GSK3B: variants seen among roughly 807,000 people sequenced by gnomAD.
The protein encoded by GSK3B is glycogen synthase kinase-3 beta.
GSK3B carries 15 observed loss-of-function variants against 56.4 expected under a neutral mutation model. The ratio of observed to expected loss-of-function variants is 0.27; its 90% CI spans 0.18 to 0.41. The LOEUF (loss-of-function observed/expected upper bound fraction) is 0.41. Among genes scored for constraint, GSK3B ranks in the 10% least tolerant of loss-of-function variants. The pLI is 1.00. For missense variants in GSK3B, 300 were observed against 513.4 expected (o/e 0.58, Z 4.02); for synonymous variants, 181 against 188.9 (o/e 0.96, Z 0.34).
intron 1 of GSK3B, among the ~76,000 whole-genome samples, chr3:120,037,668 T>C (rs1297762027): frequency 6.6e-6 from 1 of 151,954 alleles, no homozygotes; most frequent in Non-Finnish European, 1.5e-5. Context: ...TTTTTTACCA[T>C]CTTACACATC....
At chr3:120,045,157 T>C (rs893791718) in intron 1 of GSK3B, among the ~76,000 whole-genome samples, 2 of 152,298 alleles carry the variant, frequency 1.3e-5, no homozygotes, top group East Asian at 3.9e-4. Flanking sequence ...CTTTTCCTTT[T>C]AAAGGATCAA....
chr3:120,066,896 G>C, intron 1 of GSK3B, among the ~76,000 whole-genome samples: 1 of 152,168 alleles, frequency 6.6e-6, no homozygotes. Flanking sequence ...GTAGTTTGCA[G>C]AAACCTTGAT....
chr3:120,077,562 A>T (rs556904482), intron 1 of GSK3B, among the ~76,000 whole-genome samples: 2 of 152,228 alleles, frequency 1.3e-5, no homozygotes, highest in South Asian at 4.2e-4. Context: ...CAAAAGATCT[A>T]ATGTACAACA....
chr3:120,001,675 T>C (rs968006422), intron 2 of GSK3B, among the ~76,000 whole-genome samples: 2 of 152,312 alleles, frequency 1.3e-5, no homozygotes, highest in Admixed American at 6.5e-5. Context: ...AAAGGAAGCA[T>C]AGTCAAATAC....
intron 2 of GSK3B, among the ~76,000 whole-genome samples, chr3:119,975,464 C>T (rs994081510): frequency 1.3e-5 from 2 of 151,984 alleles, no homozygotes; most frequent in African/African-American, 4.8e-5. Flanking sequence ...AAGATATGAG[C>T]TATCATATCA....
intron 6 of GSK3B, among the ~76,000 whole-genome samples, chr3:119,908,085 T>C (rs1215073910): frequency 6.6e-6 from 1 of 152,182 alleles, no homozygotes; most frequent in Non-Finnish European, 1.5e-5. Flanking sequence ...AATGTAACAA[T>C]ATTAGTATAC....
chr3:119,867,943 G>A (rs1359480962), intron 8 of GSK3B, among the ~76,000 whole-genome samples: 1 of 151,982 alleles, frequency 6.6e-6, no homozygotes, highest in Non-Finnish European at 1.5e-5. Flanking sequence ...TGAAAGAACT[G>A]AGAGCACAAA....
In GSK3B at chr3:119,919,517, AAGAAAAAAAAAAAAG is replaced by A. The variant is rs1240334760; in HGVS notation, c.478-3358_478-3344del. Among the ~76,000 whole-genome samples the A allele has an allele frequency of 7.6e-3, 1,145 of 150,574 alleles. 13 individuals are homozygous for A. Among genetic ancestry groups the A allele is most frequent in the African/African-American group, 0.027 (1,100 of 40,850 alleles). On this transcript the variant is annotated intron_variant, in intron 4 of 10. Coordinates refer to ENST00000264235, the MANE Select transcript of GSK3B (RefSeq NM_001146156.2). ...GCCTCTGAAAGCGCTGTGGTTACAT[AAGAAAAAAAAAAAAG>A]AAAAAAAAAAAAAAGAAAAATCATC...
At chr3:119,934,916 A>G (rs1317430558) in intron 3 of GSK3B, among the ~76,000 whole-genome samples, 1 of 152,138 alleles carries the variant, frequency 6.6e-6, no homozygotes, top group African/African-American at 2.4e-5. Context: ...ATTCTGTATT[A>G]CTTCAATTTT....
chr3:119,939,176 G>A (rs1408381057), intron 3 of GSK3B, among the ~76,000 whole-genome samples: 1 of 152,010 alleles, frequency 6.6e-6, no homozygotes, highest in African/African-American at 2.4e-5. Flanking sequence ...ATAGAGCAGG[G>A]GTGGAGGGTA....
At chr3:120,076,280 T>G (rs748184762) in intron 1 of GSK3B, among the ~76,000 whole-genome samples, 3 of 152,160 alleles carry the variant, frequency 2.0e-5, no homozygotes, top group Non-Finnish European at 2.9e-5. Context: ...GGGAGAAATC[T>G]CCTTGACATT....
At chr3:119,971,797 G>C in intron 2 of GSK3B, among the ~76,000 whole-genome samples, 1 of 150,180 alleles carries the variant, frequency 6.7e-6, no homozygotes, top group East Asian at 1.9e-4. Flanking sequence ...ATTTTTAGTA[G>C]AGACAGGGTT....
chr3:119,860,770 T>C (rs527806933), intron 9 of GSK3B, among the ~76,000 whole-genome samples: 1 of 152,242 alleles, frequency 6.6e-6, no homozygotes, highest in South Asian at 2.1e-4. Flanking sequence ...TAAATACTGG[T>C]TGTATGAATT....
chr3:119,923,314 C>T lies in GSK3B; in HGVS notation c.477+59G>A. The T allele has an allele frequency of 1.2e-5, 10 of 804,416 alleles. No individual in the cohort carries two copies. The South Asian group carries it at 1.5e-4, about 12-fold the overall frequency. The allele number at this position is 804,416 out of a possible 1,614,324, so 49.8% of individuals were successfully genotyped here. A position where few individuals can be genotyped will look rare whatever the true frequency, so the allele number is the denominator to read the frequency against. ...TAATATAGTTAAAACATAAAAGAGG[C>T]TCTCCTTGGTTCATAAAAAATGTTT... On this transcript the variant is annotated intron_variant, in intron 4 of 10. Transcript: ENST00000264235.
chr3:119,836,026 T>C (rs967655486), intron 10 of GSK3B, among the ~76,000 whole-genome samples: 10 of 152,156 alleles, frequency 6.6e-5, no homozygotes, highest in Non-Finnish European at 1.2e-4. Flanking sequence ...CTAAAAAGAA[T>C]TGGCTGGTAT....
At chr3:119,969,281 G>A (rs2057345104) in intron 2 of GSK3B, among the ~76,000 whole-genome samples, 3 of 145,574 alleles carry the variant, frequency 2.1e-5, no homozygotes, top group Non-Finnish European at 4.5e-5. Flanking sequence ...GACAAAGCAA[G>A]ACTCCATCTC....
chr3:119,941,723 T>A (rs1365611475), intron 3 of GSK3B, among the ~76,000 whole-genome samples: 1 of 152,232 alleles, frequency 6.6e-6, no homozygotes, highest in Non-Finnish European at 1.5e-5. Context: ...AGTGTTAATT[T>A]ATATGCCAGG....
At chr3:119,960,480 T>G (rs555223120) in intron 2 of GSK3B, among the ~76,000 whole-genome samples, 1 of 152,178 alleles carries the variant, frequency 6.6e-6, no homozygotes, top group Non-Finnish European at 1.5e-5. Context: ...CTGAGGAAAT[T>G]TGAATAAAAT....
chr3:120,061,087 A>G (rs2058232106), intron 1 of GSK3B, among the ~76,000 whole-genome samples: 1 of 152,242 alleles, frequency 6.6e-6, no homozygotes, highest in East Asian at 1.9e-4. Flanking sequence ...AGGCTGTACA[A>G]GGACATTTCA....
Sources: gnomAD v4.1 joint callset for allele counts (sites outside exome capture counted in the v4.1 genomes callset) on GRCh38, gnomAD v4.1.1 for gene constraint, MANE v1.5 for transcripts, NCBI Gene and HGNC (gene_info 2026-07-23, HGNC 2026-07-21) for gene names.